STT3B: variants seen among roughly 807,000 people sequenced by gnomAD.
STT3B encodes the protein dolichyl-diphosphooligosaccharide--protein glycosyltransferase subunit STT3B.
A neutral mutation model predicts 96.8 loss-of-function variants in STT3B; 29 were observed. The ratio of observed to expected loss-of-function variants is 0.30; its 90% CI spans 0.22 to 0.41. The LOEUF (loss-of-function observed/expected upper bound fraction) is 0.41, where lower values mean the gene tolerates loss of function less well. STT3B is among the 10% of genes least tolerant of loss of function. The probability of loss-of-function intolerance (pLI) is 1.00; values close to 1 mark genes in which losing one functional copy is unlikely to be tolerated. For missense variants in STT3B, 640 were observed against 1,022.3 expected (o/e 0.63, Z 5.10); for synonymous variants, 367 against 360.0 (o/e 1.02, Z -0.22).
intron 3 of STT3B, among the ~76,000 whole-genome samples, chr3:31,582,125 T>G (rs1698419173): frequency 1.3e-5 from 2 of 152,060 alleles, no homozygotes; most frequent in Non-Finnish European, 2.9e-5. Flanking sequence ...TTGCTCTTTT[T>G]AAAGAACCAA....
At chr3:31,556,880 T>G (rs540391599) in intron 1 of STT3B, among the ~76,000 whole-genome samples, 1 of 152,326 alleles carries the variant, frequency 6.6e-6, no homozygotes, top group South Asian at 2.1e-4. Context: ...TGTGCAGAGT[T>G]TTTTGGTTTA....
intron 5 of STT3B, among the ~76,000 whole-genome samples, chr3:31,608,576 G>A (rs997103104): frequency 9.2e-5 from 14 of 152,172 alleles, no homozygotes; most frequent in African/African-American, 2.9e-4. Context: ...CTGTGTTGTA[G>A]CAATAATCAT....
At chr3:31,626,987 C>CA (rs1699551760) in intron 13 of STT3B, among the ~76,000 whole-genome samples, 1 of 152,178 alleles carries the variant, frequency 6.6e-6, no homozygotes, top group African/African-American at 2.4e-5. Context: ...ACTCACCTGA[C>CA]ACGTGTGTTT....
chr3:31,552,712 C>T (rs140889528), intron 1 of STT3B, among the ~76,000 whole-genome samples: 389 of 152,296 alleles, frequency 2.6e-3, no homozygotes, highest in African/African-American at 9.1e-3. Flanking sequence ...GTTGTAGAAG[C>T]CATCCACGAG....
In STT3B at chr3:31,597,749, G is replaced by A. The variant is rs142886230; in HGVS notation, c.777+886G>A. ...ACTGGGATTATAGGCAAGAGCTGCC[G>A]TGCCTGTTTTTTAACTTTTTAATGA... On this transcript the variant is annotated intron_variant, in intron 4 of 15. Coordinates refer to ENST00000295770, the MANE Select transcript of STT3B (RefSeq NM_178862.3). Among the ~76,000 whole-genome samples, 1,167 of 152,110 alleles carry A rather than the reference G, an allele frequency of 7.7e-3. 9 individuals carry two copies. Among genetic ancestry groups the A allele is most frequent in the Non-Finnish European group, 0.012 (813 of 67,988 alleles).
Position 31,636,034 on chromosome 3 carries a change from AG to A in STT3B, c.2453del (p.Gly818AlafsTer24). 1 of 1,610,064 alleles carries A rather than the reference AG, an allele frequency of 6.2e-7. No individual in the cohort carries two copies. The highest frequency in any genetic ancestry group is 8.5e-7 in the Non-Finnish European group (1 of 1,178,092). ...YIKNKLVFKK[G>X]KKISKKTV The stretch of plus-strand genomic sequence containing the variant: ...TTAAAAATAAGCTGGTTTTTAAGAA[AG>A]GCAAGAAAATATCTAAGAAGACTGT... On this transcript the variant is annotated frameshift_variant, in exon 16 of 16. Transcript: ENST00000295770. LOFTEE classifies it high-confidence loss of function.
At chr3:31,619,940 A>G in intron 9 of STT3B, 110 bp downstream of exon 9, 1 of 1,510,402 alleles carries the variant, frequency 6.6e-7, no homozygotes, top group Non-Finnish European at 8.8e-7. Flanking sequence ...TATTCAAGAT[A>G]AATTTTCTCC....
At position 31,600,496 on chromosome 3, in the gene STT3B, G is replaced by A. The variant is rs572844344; in HGVS notation, c.877+37G>A. 18 of 957,744 alleles carry A rather than the reference G, an allele frequency of 1.9e-5. No homozygotes were observed. In the East Asian group the frequency reaches 2.4e-4, roughly 13 times the overall value. The allele number at this position is 957,744 out of a possible 1,614,324, so 59.3% of individuals were successfully genotyped here. Reference sequence around the variant, plus strand: ...GATTTTTGACATCTGTCAACTAAGAGATGTTTTGTATTCATTCATTTTATT... The same window carrying A: ...GATTTTTGACATCTGTCAACTAAGAAATGTTTTGTATTCATTCATTTTATT... On this transcript the variant is annotated intron_variant, in intron 5 of 15. Transcript: ENST00000295770.
At chr3:31,621,079 C>G (rs1699417413) in intron 9 of STT3B, among the ~76,000 whole-genome samples, 1 of 152,042 alleles carries the variant, frequency 6.6e-6, no homozygotes, top group African/African-American at 2.4e-5. Context: ...CTACAGTAAC[C>G]CCTAATAGTA....
chr3:31,547,754 A>G (rs1697450862), intron 1 of STT3B, among the ~76,000 whole-genome samples: 1 of 152,224 alleles, frequency 6.6e-6, no homozygotes, highest in Admixed American at 6.5e-5. Flanking sequence ...AACAGCCTGA[A>G]CAAGTACAAA....
At chr3:31,626,838 A>G (rs1300028203) in intron 13 of STT3B, among the ~76,000 whole-genome samples, 1 of 152,218 alleles carries the variant, frequency 6.6e-6, no homozygotes, top group Non-Finnish European at 1.5e-5. Flanking sequence ...ACATTAGTAT[A>G]AAGTGTAAAC....
intron 3 of STT3B, among the ~76,000 whole-genome samples, chr3:31,583,948 G>C: frequency 6.6e-6 from 1 of 152,066 alleles, no homozygotes; most frequent in East Asian, 1.9e-4. Context: ...TTTTGTTGTT[G>C]TTGTTGCTTG....
At chr3:31,612,361 T>C (rs1699201915) in intron 5 of STT3B, among the ~76,000 whole-genome samples, 1 of 152,206 alleles carries the variant, frequency 6.6e-6, no homozygotes, top group South Asian at 2.1e-4. Flanking sequence ...TAAATGCTTA[T>C]GTTTGGATTG....
At chr3:31,547,632 C>T (rs61317992) in intron 1 of STT3B, among the ~76,000 whole-genome samples, 3 of 152,284 alleles carry the variant, frequency 2.0e-5, no homozygotes, top group Admixed American at 6.5e-5. Flanking sequence ...CATGACAGAA[C>T]GAGAGTCCAT....
intron 1 of STT3B, among the ~76,000 whole-genome samples, chr3:31,563,043 T>G (rs971315323): frequency 1.4e-4 from 22 of 152,140 alleles, no homozygotes; most frequent in Non-Finnish European, 1.5e-5. Flanking sequence ...TCTCACCCTT[T>G]TTCTGCATTA....
At chr3:31,560,372 T>C (rs1423127223) in intron 1 of STT3B, among the ~76,000 whole-genome samples, 1 of 152,058 alleles carries the variant, frequency 6.6e-6, no homozygotes, top group Non-Finnish European at 1.5e-5. Flanking sequence ...TTTTGTGTGT[T>C]TTCATGGTAG....
At chr3:31,541,939 A>G (rs1697284837) in intron 1 of STT3B, among the ~76,000 whole-genome samples, 2 of 152,156 alleles carry the variant, frequency 1.3e-5, no homozygotes, top group African/African-American at 4.8e-5. Flanking sequence ...GTTCTTTTAT[A>G]GCGGGAGGTG....
intron 1 of STT3B, among the ~76,000 whole-genome samples, chr3:31,556,028 C>T (rs571600835): frequency 6.6e-6 from 1 of 152,186 alleles, no homozygotes; most frequent in East Asian, 1.9e-4. Context: ...TACCCATTGA[C>T]CAATCTCTCT....
intron 6 of STT3B, among the ~76,000 whole-genome samples, chr3:31,615,633 A>G (rs1055055416): frequency 3.3e-5 from 5 of 151,890 alleles, no homozygotes; most frequent in African/African-American, 7.2e-5. Context: ...CACTTTACCA[A>G]GTAGTAATTT....
Sources: gnomAD v4.1 joint callset for allele counts (sites outside exome capture counted in the v4.1 genomes callset) on GRCh38, gnomAD v4.1.1 for gene constraint, MANE v1.5 for transcripts, NCBI Gene and HGNC (gene_info 2026-07-23, HGNC 2026-07-21) for gene names.